Variants in DCDC1 observed in about 807,000 individuals in gnomAD.
DCDC1 encodes the protein doublecortin domain containing 1.
In DCDC1, 200 loss-of-function variants were observed where a neutral mutation model predicts 178.3. The observed-to-expected ratio is 1.12, with a 90% CI of 1.00 to 1.26. DCDC1 has a LOEUF of 1.26. DCDC1 is among the 50% of genes most tolerant of loss of function. The pLI is 0.00. For synonymous variants in DCDC1, 690 were observed against 604.8 expected, an observed-to-expected ratio of 1.14 and a Z score of -2.07; for missense variants, 1,983 against 1,749.2, an observed-to-expected ratio of 1.13 and a Z score of -2.38.
chr11:30,969,092 CAA>C (rs10573154), intron 20 of DCDC1, among the ~76,000 whole-genome samples: 3,542 of 152,054 alleles, frequency 0.023, 147 homozygotes, highest in African/African-American at 0.082. Flanking sequence ...ATTTACAAAA[CAA>C]AGAGTTGATA....
chr11:31,327,233 A>T (rs1295860746), intron 3 of DCDC1, among the ~76,000 whole-genome samples: 1 of 152,090 alleles, frequency 6.6e-6, no homozygotes, highest in Non-Finnish European at 1.5e-5. Flanking sequence ...CAATGGCGCG[A>T]TCTTGGCTCA....
In DCDC1 at chr11:31,064,504, T is replaced by A. The variant is rs1426651382; in HGVS notation, c.2556A>T (p.Lys852Asn). 2 of 765,750 alleles carry A rather than the reference T, an allele frequency of 2.6e-6. No homozygotes were observed. 47.4% of individuals were successfully genotyped at this position (765,750 alleles called of 1,614,324 possible). The stretch of plus-strand genomic sequence containing the variant: ...AAGCCTTAGGATGTTTCTCTTCCAG[T>A]TTCCTCACCAGTGCTACTGTCAGCT... ...TGELTVALVRKLEEKHPKASA... is the reference protein window; with the variant it reads ...TGELTVALVRNLEEKHPKASA... Residue 852 changes from lysine (K) to asparagine (N), a missense_variant, in exon 20 of 39, where the codon AAA becomes AAT. By Grantham distance (94) the Lys-to-Asn change is moderately conservative (BLOSUM62 0). Coordinates refer to ENST00000684477, the MANE Select transcript of DCDC1 (RefSeq NM_001387274.1).
chr11:31,343,998 G>A (rs1218396468), intron 1 of DCDC1, among the ~76,000 whole-genome samples: 1 of 152,078 alleles, frequency 6.6e-6, no homozygotes, highest in Non-Finnish European at 1.5e-5. Context: ...TTATATAAGT[G>A]TGAAATCATT....
chr11:30,943,900 C>A, intron 21 of DCDC1: 1 of 254,108 alleles, frequency 3.9e-6, no homozygotes, highest in South Asian at 4.6e-5. Flanking sequence ...AGTATTAATG[C>A]AGTCTGAGAC....
chr11:30,935,657 G>A (rs572515457), intron 21 of DCDC1, among the ~76,000 whole-genome samples: 4 of 151,912 alleles, frequency 2.6e-5, no homozygotes, highest in African/African-American at 9.7e-5. Context: ...AGGTTCAAGC[G>A]ATTCTCCTGC....
intron 20 of DCDC1, among the ~76,000 whole-genome samples, chr11:30,997,198 T>C (rs1035192048): frequency 2.6e-5 from 4 of 152,184 alleles, no homozygotes; most frequent in African/African-American, 9.7e-5. Flanking sequence ...AGAGATTGAT[T>C]ACAAAGGCAA....
chr11:31,239,723 CCAAA>C (rs1355229365), intron 9 of DCDC1, among the ~76,000 whole-genome samples: 10 of 151,536 alleles, frequency 6.6e-5, no homozygotes, highest in Admixed American at 3.3e-4. Flanking sequence ...TACAGACTGC[CCAAA>C]CAGACAATCA....
At position 31,353,381 on chromosome 11, in the gene DCDC1, T is replaced by C. The variant is rs148017985; in HGVS notation, c.-125+16316A>G. ...TGCTTTATCTTAAATATTCAAAAAGTGAAATGTCCATTTTACTTGATAAAT... is the reference window on the plus strand; with the variant it reads ...TGCTTTATCTTAAATATTCAAAAAGCGAAATGTCCATTTTACTTGATAAAT... On this transcript the variant is annotated intron_variant, in intron 1 of 38. Transcript: ENST00000684477. Among the ~76,000 whole-genome samples, 6 of 152,354 alleles carry C rather than the reference T, an allele frequency of 3.9e-5. No homozygotes were observed. The East Asian group carries it at 1.2e-3, about 29-fold the overall frequency.
intron 1 of DCDC1, among the ~76,000 whole-genome samples, chr11:31,365,371 T>C (rs1951907842): frequency 6.6e-6 from 1 of 152,136 alleles, no homozygotes; most frequent in Non-Finnish European, 1.5e-5. Context: ...GGTACTTAAA[T>C]ACAGCTTAGT....
intron 9 of DCDC1, among the ~76,000 whole-genome samples, chr11:31,212,074 C>T (rs1456062265): frequency 2.2e-5 from 3 of 138,760 alleles, no homozygotes; most frequent in African/African-American, 8.1e-5. Flanking sequence ...CAGAGCGAGA[C>T]TCAGTCTCAA....
intron 3 of DCDC1, chr11:31,314,617 A>G (rs1948955015): frequency 6.6e-6 from 1 of 152,204 alleles, no homozygotes; most frequent in Non-Finnish European, 1.5e-5. Context: ...CTTGACTGCT[A>G]TAGAACTTAT....
intron 3 of DCDC1, among the ~76,000 whole-genome samples, chr11:31,312,066 G>A (rs574767394): frequency 2.6e-5 from 4 of 152,178 alleles, no homozygotes; most frequent in East Asian, 3.9e-4. Flanking sequence ...TTAAGTCACC[G>A]AAACTCTGAA....
At chr11:31,002,261 CATT>C (rs1255880672) in intron 20 of DCDC1, among the ~76,000 whole-genome samples, 3 of 152,154 alleles carry the variant, frequency 2.0e-5, no homozygotes, top group Non-Finnish European at 4.4e-5. Context: ...ATGCTTTTCT[CATT>C]AGATGTCAAT....
chr11:31,128,000 T>A (rs1157778873), intron 10 of DCDC1, among the ~76,000 whole-genome samples: 1 of 152,150 alleles, frequency 6.6e-6, no homozygotes, highest in African/African-American at 2.4e-5. Context: ...CCAATGTATG[T>A]AACCTACCAC....
intron 9 of DCDC1, among the ~76,000 whole-genome samples, chr11:31,144,456 A>G (rs542895993): frequency 1.6e-4 from 24 of 152,144 alleles, no homozygotes; most frequent in Non-Finnish European, 3.1e-4. Flanking sequence ...GCAAATGTTT[A>G]AGGTTTGATA....
rs1357983392 is a variant in DCDC1, at chr11:31,318,769, T to A, written c.164+9348A>T. ...GATGTTAGGGTGTCAATTTTGGATC[T>A]TTCCTGCTTTCTCTTGTAGGCATTT... On this transcript the variant is annotated intron_variant, in intron 3 of 38. Coordinates refer to ENST00000684477, the MANE Select transcript of DCDC1 (RefSeq NM_001387274.1). 3.4e-5 allele frequency among the ~76,000 whole-genome samples: 2 copies of A among 59,004 alleles called. 1 individual carries two copies. Among genetic ancestry groups the A allele is most frequent in the Admixed American group, 3.7e-4 (2 of 5,460 alleles). The allele number at this position is 59,004 out of a possible 152,430, so 38.7% of individuals were successfully genotyped here. A position where few individuals can be genotyped will look rare whatever the true frequency, so the allele number is the denominator to read the frequency against.
At chr11:31,118,633 G>A (rs955886661) in intron 11 of DCDC1, among the ~76,000 whole-genome samples, 6 of 152,166 alleles carry the variant, frequency 3.9e-5, no homozygotes, top group African/African-American at 1.4e-4. Context: ...CAAATTAACT[G>A]TTATGGAGAA....
At chr11:31,107,704 T>G (rs1363201866) in intron 12 of DCDC1, among the ~76,000 whole-genome samples, 1 of 152,234 alleles carries the variant, frequency 6.6e-6, no homozygotes, top group Admixed American at 6.5e-5. Flanking sequence ...AGAACTGTGC[T>G]GCATATGGTA....
chr11:30,905,904 A>C (rs561555604), intron 30 of DCDC1, among the ~76,000 whole-genome samples: 10 of 152,210 alleles, frequency 6.6e-5, no homozygotes, highest in African/African-American at 2.4e-4. Context: ...CAAGCCCTGA[A>C]GAGCACACCA....
Sources: allele counts gnomAD v4.1 joint callset (sites outside exome capture counted in the v4.1 genomes callset), GRCh38; gene constraint gnomAD v4.1.1; transcripts MANE v1.5; gene names NCBI Gene and HGNC (gene_info 2026-07-23, HGNC 2026-07-21).